The following CLC variants were observed in gnomAD, a reference collection of about 807,000 sequenced individuals.
The protein encoded by CLC is galectin-10.
Under a neutral mutation model 13.9 loss-of-function variants are expected in CLC, and 15 were observed. The observed-to-expected ratio is 1.08, with a 90% confidence interval of 0.72 to 1.66. The LOEUF is 1.66. CLC is among the 40% of genes most tolerant of loss of function. CLC has a pLI of 0.00. For missense variants in CLC, 161 were observed against 169.1 expected, an observed-to-expected ratio of 0.95 and a Z score of 0.27; for synonymous variants, 68 against 59.9, an observed-to-expected ratio of 1.14 and a Z score of -0.63.
At chr19:39,735,523 C>T (rs1238326452) in intron 1 of CLC, among the ~76,000 whole-genome samples, 2 of 152,044 alleles carry the variant, frequency 1.3e-5, no homozygotes, top group Admixed American at 6.6e-5. Flanking sequence ...ACGATGTTGC[C>T]CAGGCTGGTC....
chr19:39,737,818 A>C, intron 1 of CLC, 120 bp downstream of exon 1: 1 of 1,051,272 alleles, frequency 9.5e-7, no homozygotes, highest in Non-Finnish European at 1.4e-6. Flanking sequence ...TCTTCCACAC[A>C]CCCACAACTC....
In CLC at chr19:39,736,273, G is replaced by T. The variant is rs576110288; in HGVS notation, c.16-1200C>A. ...AGGAAAGAACAGGAAACCCCTGTGC[G>T]TGGGAGGCACATACATCACAATCAT... On this transcript the variant is annotated intron_variant, in intron 1 of 3. Coordinates refer to ENST00000221804, the MANE Select transcript of CLC (RefSeq NM_001828.6). 2.6e-5 allele frequency among the ~76,000 whole-genome samples: 4 copies of T among 152,182 alleles called. No homozygotes were observed. The East Asian group carries it at 5.8e-4, about 22-fold the overall frequency.
intron 1 of CLC, among the ~76,000 whole-genome samples, chr19:39,736,806 GA>G (rs898814114): frequency 2.6e-5 from 4 of 151,620 alleles, no homozygotes; most frequent in African/African-American, 9.7e-5. Flanking sequence ...CTGCAGGTTT[GA>G]AGGCCTGGGC....
At chr19:39,731,802 CTG>C (rs1967230063) in intron 3 of CLC, among the ~76,000 whole-genome samples, 1 of 152,194 alleles carries the variant, frequency 6.6e-6, no homozygotes, top group South Asian at 2.1e-4. Flanking sequence ...AGGCCAGGGA[CTG>C]TGTTTCATAA....
At chr19:39,736,067 AAACG>A (rs1451114895) in intron 1 of CLC, among the ~76,000 whole-genome samples, 4 of 152,206 alleles carry the variant, frequency 2.6e-5, no homozygotes, top group Non-Finnish European at 5.9e-5. Flanking sequence ...TGGGAATACC[AAACG>A]ATTTTCCAAT....
intron 2 of CLC, 100 bp from the exon 3 acceptor site, chr19:39,734,593 A>G (rs185060467): frequency 1.6e-4 from 161 of 989,246 alleles, no homozygotes; most frequent in African/African-American, 1.2e-3. Flanking sequence ...TCGAGCAAAG[A>G]CTTGTTGGTA....
intron 1 of CLC, among the ~76,000 whole-genome samples, chr19:39,736,919 T>C (rs929078979): frequency 2.0e-5 from 3 of 152,182 alleles, no homozygotes; most frequent in Non-Finnish European, 4.4e-5. Context: ...AATCTTGCTA[T>C]GTCTCCCAGG....
intron 1 of CLC, among the ~76,000 whole-genome samples, chr19:39,737,543 G>A (rs1568502017): frequency 6.6e-6 from 1 of 151,902 alleles, no homozygotes; most frequent in Non-Finnish European, 1.5e-5. Context: ...ATATAAAGAT[G>A]CTCATGCACT....
chr19:39,734,481 A>AT lies in CLC; in HGVS notation c.104dup (p.Tyr35Ter). Residue 35 changes from tyrosine (Y) to a stop codon, truncating the protein, a stop_gained and frameshift_variant, in exon 3 of 4, where the codon TAT becomes TAAT. Transcript: ENST00000221804. LOFTEE classifies it high-confidence loss of function. The part of the protein sequence containing the change: ...RPLACFLNEP[Y>*]LQVDFHTEMK... ...TCTCAGTGTGGAAATCCACCTGCAG[A>AT]TATGGTTCATTCCTGAGGGCAGAGC... 1 of 1,613,964 alleles carries AT rather than the reference A, an allele frequency of 6.2e-7. No homozygotes were observed. Among genetic ancestry groups the AT allele is most frequent in the Non-Finnish European group, 8.5e-7 (1 of 1,179,844 alleles).
At chr19:39,734,943 A>G in intron 2 of CLC, 54 bp downstream of exon 2, 1 of 1,358,852 alleles carries the variant, frequency 7.4e-7, no homozygotes. Flanking sequence ...TCACCCCCTT[A>G]GAAAATATTC....
Position 39,734,460 on chromosome 19 carries a change from A to G in CLC, c.126T>C (p.Thr42=). Residue 42 remains threonine (T), a synonymous_variant, in exon 3 of 4, where the codon ACT becomes ACC. Transcript: ENST00000221804. ...NEPYLQVDFH[T]EMKEESDIVF... ...CAATGTCTGATTCCTCCTTCATCTC[A>G]GTGTGGAAATCCACCTGCAGATATG... The G allele has an allele frequency of 6.2e-7, 1 of 1,613,070 alleles. No homozygotes were observed. Among genetic ancestry groups the G allele is most frequent in the Non-Finnish European group, 8.5e-7 (1 of 1,179,014 alleles).
rs1283763202 is a variant in CLC, at chr19:39,734,186, G to A, written c.303+97C>T. ...GGGAGTTGTGGGTGATGAAAAGCCGGGGACAGAGGGAGTTATCTGGAGTTA... is the reference window on the plus strand; with the variant it reads ...GGGAGTTGTGGGTGATGAAAAGCCGAGGACAGAGGGAGTTATCTGGAGTTA... On this transcript the variant is annotated intron_variant, in intron 3 of 3. Transcript: ENST00000221804. 2.1e-6 allele frequency: 3 copies of A among 1,422,370 alleles called. No homozygotes were observed. The East Asian group carries it at 7.1e-5, about 34-fold the overall frequency. 88.1% of individuals were successfully genotyped at this position (1,422,370 alleles called of 1,614,324 possible).
chr19:39,735,266 CTG>C (rs1481407222), intron 1 of CLC, among the ~76,000 whole-genome samples, 193 bp from the exon 2 acceptor site: 1 of 152,180 alleles, frequency 6.6e-6, no homozygotes, highest in East Asian at 1.9e-4. Context: ...GCTTCAGAAA[CTG>C]AGCTACCTCA....
At chr19:39,731,561 G>A in intron 3 of CLC, 56 bp from the exon 4 acceptor site, 3 of 1,551,680 alleles carry the variant, frequency 1.9e-6, no homozygotes, top group South Asian at 1.2e-5. Flanking sequence ...CAAGCTTTCA[G>A]CCTGCTCTCT....
chr19:39,736,777 A>T (rs1600847800), intron 1 of CLC, among the ~76,000 whole-genome samples: 2 of 18,466 alleles, frequency 1.1e-4, no homozygotes, highest in South Asian at 3.6e-3. Flanking sequence ...TCTGTCTCAA[A>T]AAAAAAAAAA....
intron 1 of CLC, among the ~76,000 whole-genome samples, chr19:39,737,339 G>A (rs192703724): frequency 6.6e-6 from 1 of 151,954 alleles, no homozygotes; most frequent in East Asian, 1.9e-4. Flanking sequence ...GATCCCACAA[G>A]TTCTGTCACC....
intron 1 of CLC, among the ~76,000 whole-genome samples, 173 bp downstream of exon 1, chr19:39,737,765 C>G (rs907206896): frequency 2.6e-5 from 4 of 152,108 alleles, no homozygotes; most frequent in Non-Finnish European, 5.9e-5. Context: ...CCCCCTACCC[C>G]CCTACCCCAG....
In CLC at chr19:39,734,265, AG is replaced by A. The variant is rs748092137; in HGVS notation, c.303+17del. The A allele has an allele frequency of 6.2e-7, 1 of 1,610,372 alleles. No individual in the cohort carries two copies. The highest frequency in any genetic ancestry group is 8.5e-7 in the Non-Finnish European group (1 of 1,178,534). On this transcript the variant is annotated intron_variant, in intron 3 of 3. Transcript: ENST00000221804. ...GATCCCATGGAAGCCGGGTGCGGGG[AG>A]CTCCTGGGGTGCTCACCTGGTACTT...
rs1280761454 is a variant in CLC at position 39,735,077 on chromosome 19, C to T, written c.16-4G>A. On this transcript the variant is annotated splice_polypyrimidine_tract_variant and splice_region_variant and intron_variant, in intron 1 of 3. Coordinates refer to ENST00000221804, the MANE Select transcript of CLC (RefSeq NM_001828.6). ...AGGCAGCCTCTGTGTATGGCACCTG[C>T]CAGGGGATTGAGAGTGGGTGAGAGA... The T allele has an allele frequency of 6.2e-7, 1 of 1,612,636 alleles. No homozygotes were observed. Among genetic ancestry groups the T allele is most frequent in the Non-Finnish European group, 8.5e-7 (1 of 1,178,736 alleles).
Sources: gnomAD v4.1 joint callset for allele counts (sites outside exome capture counted in the v4.1 genomes callset) on GRCh38, gnomAD v4.1.1 for gene constraint, MANE v1.5 for transcripts, NCBI Gene and HGNC (gene_info 2026-07-23, HGNC 2026-07-21) for gene names.